Variants in KIAA1671 observed in about 807,000 individuals in gnomAD.
KIAA1671 encodes the protein KIAA1671, also known as uncharacterized protein KIAA1671.
KIAA1671 carries 52 observed loss-of-function variants against 131.2 expected under a neutral mutation model. That is an observed-to-expected ratio of 0.40 (90% confidence interval 0.32 to 0.50). The LOEUF is 0.50. KIAA1671 is among the 20% of genes least tolerant of loss of function. The pLI is 0.73. For missense variants in KIAA1671, 2,360 were observed against 2,364.2 expected (o/e 1.00, Z 0.04); for synonymous variants, 1,003 against 961.6 (o/e 1.04, Z -0.80).
In KIAA1671 at chr22:25,177,250, C is replaced by CA. The variant is rs1200101095; in HGVS notation, c.4900-97dup. On this transcript the variant is annotated intron_variant, in intron 8 of 12. Coordinates refer to ENST00000358431, the MANE Select transcript of KIAA1671 (RefSeq NM_001145206.2). ...CCTAGGTACCACCTAAATAGCCTCT[C>CA]ATCTGTCAACGAAGCTGTGTACCGC... 4.3e-6 allele frequency: 5 copies of CA among 1,172,154 alleles called. No homozygotes were observed. The African/African-American group carries it at 7.8e-5, about 18-fold the overall frequency. The allele number at this position is 1,172,154 out of a possible 1,614,324, so 72.6% of individuals were successfully genotyped here. A position where few individuals can be genotyped will look rare whatever the true frequency, so the allele number is the denominator to read the frequency against.
intron 6 of KIAA1671, among the ~76,000 whole-genome samples, chr22:25,158,510 G>T (rs914352361): frequency 2.6e-5 from 4 of 152,184 alleles, no homozygotes; most frequent in African/African-American, 9.7e-5. Context: ...TGGGGATGGG[G>T]CCAGCCAGGA....
At chr22:25,108,238 T>G (rs540242875) in intron 6 of KIAA1671, among the ~76,000 whole-genome samples, 3 of 152,318 alleles carry the variant, frequency 2.0e-5, no homozygotes, top group Non-Finnish European at 4.4e-5. Context: ...CTATTTTGAT[T>G]TAACATTTTT....
Position 25,073,445 on chromosome 22 carries a change from A to G in KIAA1671, c.4530+24081A>G, listed in dbSNP as rs145644299. Among the ~76,000 whole-genome samples, 873 of 152,334 alleles carry G rather than the reference A, an allele frequency of 5.7e-3. 13 individuals are homozygous for G. The highest frequency in any genetic ancestry group is 0.02 in the African/African-American group (846 of 41,576). On this transcript the variant is annotated intron_variant, in intron 6 of 12. Transcript: ENST00000358431. ...TGTGCAACCAGATGTTTTGGTATAT[A>G]TACATATACATAGTGAAATTAGTAC...
At chr22:25,184,934 A>C in intron 10 of KIAA1671, 43 bp from the exon 11 acceptor site, 1 of 1,549,342 alleles carries the variant, frequency 6.5e-7, no homozygotes, top group Non-Finnish European at 8.7e-7. Flanking sequence ...GCCCTTCCCC[A>C]GACAAAGGGC....
Position 25,194,148 on chromosome 22 carries a change from T to C in KIAA1671, c.*1747T>C, listed in dbSNP as rs1934752042. 1 of 152,206 alleles carries C rather than the reference T, an allele frequency of 6.6e-6. No individual in the cohort carries two copies. Among genetic ancestry groups the C allele is most frequent in the Non-Finnish European group, 1.5e-5 (1 of 68,072 alleles). 9.4% of individuals were successfully genotyped at this position (152,206 alleles called of 1,614,324 possible). A position where few individuals can be genotyped will look rare whatever the true frequency, so the allele number is the denominator to read the frequency against. The stretch of plus-strand genomic sequence containing the variant: ...CTCAAGCTGGAGTGGAGTGGCACGA[T>C]CATAGCTCACTAACACCTGGGCTCA... On this transcript the variant is annotated 3_prime_UTR_variant, in exon 13 of 13. Transcript: ENST00000358431.
At chr22:25,138,729 C>T (rs1932760520) in intron 6 of KIAA1671, among the ~76,000 whole-genome samples, 1 of 152,166 alleles carries the variant, frequency 6.6e-6, no homozygotes, top group Non-Finnish European at 1.5e-5. Context: ...AAACATCAAC[C>T]TTCAAATACT....
chr22:25,165,290 A>C (rs955674297), intron 6 of KIAA1671, among the ~76,000 whole-genome samples: 3 of 152,134 alleles, frequency 2.0e-5, no homozygotes, highest in Non-Finnish European at 4.4e-5. Flanking sequence ...ATTCACCATA[A>C]CCTGCTTTGA....
chr22:25,194,260 A>AG lies in KIAA1671; in HGVS notation c.*1860dup, dbSNP rs944814204. The AG allele has an allele frequency of 2.0e-5, 3 of 152,054 alleles. No homozygotes were observed. The highest frequency in any genetic ancestry group is 4.2e-4 in the South Asian group (2 of 4,812). 9.4% of individuals were successfully genotyped at this position (152,054 alleles called of 1,614,324 possible). On this transcript the variant is annotated 3_prime_UTR_variant, in exon 13 of 13. Coordinates refer to ENST00000358431, the MANE Select transcript of KIAA1671 (RefSeq NM_001145206.2). The stretch of plus-strand genomic sequence containing the variant: ...AGCTAATTTTTAAATATTTTTGTAG[A>AG]GACAAGGGTCTTACCATGTTGCCCA...
intron 6 of KIAA1671, chr22:25,112,140 C>T (rs1208635477): frequency 5.0e-6 from 2 of 398,650 alleles, no homozygotes; most frequent in Non-Finnish European, 8.8e-6. Context: ...CTCTCTCCCT[C>T]CCTAACTTCC....
intron 6 of KIAA1671, among the ~76,000 whole-genome samples, chr22:25,117,081 A>G (rs779745335): frequency 6.6e-6 from 1 of 152,148 alleles, no homozygotes; most frequent in Non-Finnish European, 1.5e-5. Context: ...CACAGTTGTG[A>G]CAACCAAAAA....
chr22:25,034,604 C>T (rs1926487415), intron 4 of KIAA1671, among the ~76,000 whole-genome samples: 1 of 152,200 alleles, frequency 6.6e-6, no homozygotes, highest in East Asian at 1.9e-4. Flanking sequence ...TATCCATTCA[C>T]CTTTTGATGG....
intron 2 of KIAA1671, among the ~76,000 whole-genome samples, chr22:25,026,575 A>C (rs1198654126): frequency 6.6e-6 from 1 of 152,138 alleles, no homozygotes; most frequent in Non-Finnish European, 1.5e-5. Context: ...TACTAAAACC[A>C]CAAAATTACC....
chr22:25,119,033 G>C (rs1463540831), intron 6 of KIAA1671, among the ~76,000 whole-genome samples: 4 of 152,142 alleles, frequency 2.6e-5, no homozygotes, highest in Non-Finnish European at 5.9e-5. Context: ...CATGTCACTT[G>C]TTCCCTGGTT....
chr22:24,971,305 G>A (rs1203900502), intron 1 of KIAA1671, among the ~76,000 whole-genome samples: 6 of 152,196 alleles, frequency 3.9e-5, no homozygotes, highest in Non-Finnish European at 7.3e-5. Context: ...CACATGGGAA[G>A]TGATCAATGA....
At chr22:24,981,062 C>CTGTGTGTGTGTGTG (rs35906863) in intron 1 of KIAA1671, among the ~76,000 whole-genome samples, 2 of 148,808 alleles carry the variant, frequency 1.3e-5, no homozygotes, top group Non-Finnish European at 3.0e-5. Flanking sequence ...TTGTTATTTT[C>CTGTGTGTGTGTGTG]TGTGTGTGTG....
Position 24,986,694 on chromosome 22 carries a change from T to C in KIAA1671, c.-208+33922T>C, listed in dbSNP as rs1050035124. 3.2e-3 allele frequency among the ~76,000 whole-genome samples: 260 copies of C among 82,142 alleles called. 2 individuals are homozygous for C. Among genetic ancestry groups the C allele is most frequent in the African/African-American group, 0.012 (250 of 21,462 alleles). The allele number at this position is 82,142 out of a possible 152,430, so 53.9% of individuals were successfully genotyped here. Reference sequence around the variant, plus strand: ...ACCCATCCACCCATCCACCCACCCATCCATCCATCCATCCACCCACCCACC... The same window carrying C: ...ACCCATCCACCCATCCACCCACCCACCCATCCATCCATCCACCCACCCACC... On this transcript the variant is annotated intron_variant, in intron 1 of 12. Transcript: ENST00000358431.
At chr22:25,141,359 A>T (rs957882817) in intron 6 of KIAA1671, among the ~76,000 whole-genome samples, 4 of 151,782 alleles carry the variant, frequency 2.6e-5, no homozygotes, top group African/African-American at 9.7e-5. Context: ...CAGCCTCCTG[A>T]GTAGCTGGGA....
chr22:24,982,680 G>A (rs1249240030), intron 1 of KIAA1671, among the ~76,000 whole-genome samples: 1 of 152,178 alleles, frequency 6.6e-6, no homozygotes, highest in Non-Finnish European at 1.5e-5. Context: ...AGAACCTCAG[G>A]AGGACCCAAG....
Position 25,040,598 on chromosome 22 carries a change from CG to C in KIAA1671, c.3470del (p.Gly1157AlafsTer10). 1.3e-6 allele frequency: 2 copies of C among 1,551,776 alleles called. No homozygotes were observed. The highest frequency in any genetic ancestry group is 1.7e-6 in the Non-Finnish European group (2 of 1,147,026). Reference protein sequence around the residue: ...KESANKMSPSGGAPQTTPTLR... With the variant: ...KESANKMSPSXGAPQTTPTLR... ...AAAGTGCGAACAAGATGTCCCCCAG[CG>C]GCGGAGCTCCCCAAACCACCCCGAC... On this transcript the variant is annotated frameshift_variant, in exon 5 of 13. Transcript: ENST00000358431. LOFTEE classifies it high-confidence loss of function.
Sources: allele counts gnomAD v4.1 joint callset (sites outside exome capture counted in the v4.1 genomes callset), GRCh38; gene constraint gnomAD v4.1.1; transcripts MANE v1.5; gene names NCBI Gene and HGNC (gene_info 2026-07-23, HGNC 2026-07-21).